NPLOC4: variants seen among roughly 807,000 people sequenced by gnomAD.
NPLOC4 encodes the protein NPL4 homolog, ubiquitin recognition factor.
In NPLOC4, 18 loss-of-function variants were observed where a neutral mutation model predicts 80.6. That is an observed-to-expected ratio of 0.22 (90% CI 0.15 to 0.33). The LOEUF (loss-of-function observed/expected upper bound fraction) is 0.33, where lower values mean the gene tolerates loss of function less well. Ranked by LOEUF, NPLOC4 falls within the 10% of genes least tolerant of loss-of-function variation. NPLOC4 has a pLI of 1.00. For synonymous variants in NPLOC4, 313 were observed against 301.5 expected, an observed-to-expected ratio of 1.04 and a Z score of -0.39; for missense variants, 540 against 786.1, an observed-to-expected ratio of 0.69 and a Z score of 3.74.
chr17:81,607,171 C>T (rs1004452628), intron 6 of NPLOC4, among the ~76,000 whole-genome samples: 6 of 152,192 alleles, frequency 3.9e-5, no homozygotes, highest in Non-Finnish European at 5.9e-5. Context: ...GAGGCTCCTA[C>T]AGGTTTCATT....
chr17:81,570,183 G>A (rs374388145), intron 13 of NPLOC4, among the ~76,000 whole-genome samples: 10 of 152,252 alleles, frequency 6.6e-5, no homozygotes, highest in East Asian at 3.9e-4. Context: ...ATGGGCAAGC[G>A]GCGGGGTGGG....
intron 2 of NPLOC4, among the ~76,000 whole-genome samples, chr17:81,627,099 A>G (rs1221801051): frequency 1.3e-5 from 2 of 151,710 alleles, no homozygotes; most frequent in Non-Finnish European, 2.9e-5. Context: ...CAAAAAAAAA[A>G]AAGAAAAAGG....
chr17:81,586,847 C>T (rs1454124986), intron 12 of NPLOC4, among the ~76,000 whole-genome samples: 1 of 152,210 alleles, frequency 6.6e-6, no homozygotes. Context: ...CAACAATAGA[C>T]GAAGTCTCAT....
At chr17:81,591,469 A>AC (rs2034742250) in intron 11 of NPLOC4, among the ~76,000 whole-genome samples, 1 of 147,118 alleles carries the variant, frequency 6.8e-6, no homozygotes, top group South Asian at 2.1e-4. Flanking sequence ...AAAAAAAAAA[A>AC]AAACCTGCTC....
intron 12 of NPLOC4, among the ~76,000 whole-genome samples, chr17:81,579,005 C>G (rs1012148964): frequency 6.6e-6 from 1 of 152,220 alleles, no homozygotes; most frequent in Non-Finnish European, 1.5e-5. Context: ...ACTGCAGCCT[C>G]GAACTCCTGG....
chr17:81,571,502 A>T (rs2144057435), intron 13 of NPLOC4, among the ~76,000 whole-genome samples: 1 of 152,322 alleles, frequency 6.6e-6, no homozygotes, highest in African/African-American at 2.4e-5. Context: ...AAGAACACTG[A>T]GTTACAGGTG....
chr17:81,618,904 C>T lies in NPLOC4; in HGVS notation c.209+3262G>A, dbSNP rs538496912. Among the ~76,000 whole-genome samples the T allele has an allele frequency of 9.5e-4, 144 of 152,208 alleles. 1 individual carries two copies. Among genetic ancestry groups the T allele is most frequent in the African/African-American group, 3.2e-3 (132 of 41,528 alleles). Reference sequence around the variant, plus strand: ...GGGATCCTGTTGATCTATGACCTTACCCCAACCCTGTGCTCTCTGAAACAT... The same window carrying T: ...GGGATCCTGTTGATCTATGACCTTATCCCAACCCTGTGCTCTCTGAAACAT... On this transcript the variant is annotated intron_variant, in intron 3 of 16. Coordinates refer to ENST00000331134, the MANE Select transcript of NPLOC4 (RefSeq NM_017921.4).
At chr17:81,615,823 T>C (rs1359960600) in intron 3 of NPLOC4, among the ~76,000 whole-genome samples, 2 of 152,068 alleles carry the variant, frequency 1.3e-5, no homozygotes, top group African/African-American at 4.8e-5. Context: ...TCTGCCTCTA[T>C]CCAGTACACA....
chr17:81,615,382 G>A (rs947509568), intron 3 of NPLOC4, among the ~76,000 whole-genome samples: 2 of 151,986 alleles, frequency 1.3e-5, no homozygotes, highest in African/African-American at 2.4e-5. Flanking sequence ...TTACAGTCGT[G>A]AGCCACCACG....
At chr17:81,627,662 G>A (rs2035830384) in intron 2 of NPLOC4, among the ~76,000 whole-genome samples, 1 of 152,082 alleles carries the variant, frequency 6.6e-6, no homozygotes, top group East Asian at 1.9e-4. Context: ...CTTGAACCCG[G>A]GAGGCTGAGG....
chr17:81,610,334 G>T, intron 4 of NPLOC4, 76 bp from the exon 5 acceptor site: 1 of 1,339,984 alleles, frequency 7.5e-7, no homozygotes, highest in East Asian at 2.5e-5. Context: ...TCACATGCAC[G>T]TCCTACTTTA....
intron 16 of NPLOC4, 67 bp downstream of exon 16, chr17:81,565,438 C>T (rs1323798359): frequency 7.7e-7 from 1 of 1,295,028 alleles, no homozygotes; most frequent in Non-Finnish European, 1.1e-6. Flanking sequence ...CAGTGGGGAG[C>T]TGTGCAGAGT....
intron 9 of NPLOC4, among the ~76,000 whole-genome samples, chr17:81,598,170 T>C (rs1176862556): frequency 2.0e-5 from 3 of 151,612 alleles, no homozygotes; most frequent in Non-Finnish European, 4.4e-5. Flanking sequence ...AAGAATGTTC[T>C]CAGTCAGAAA....
chr17:81,609,388 C>T (rs1281237455), intron 5 of NPLOC4, among the ~76,000 whole-genome samples: 1 of 152,112 alleles, frequency 6.6e-6, no homozygotes, highest in African/African-American at 2.4e-5. Flanking sequence ...AATCATGGCT[C>T]ACTGCAGCCT....
rs11150795 is a variant in NPLOC4 at position 81,557,945 on chromosome 17, G to A, written c.*1314C>T. 14,282 of 152,810 alleles carry A rather than the reference G, an allele frequency of 0.093. 1,054 individuals are homozygous for A. Among genetic ancestry groups the A allele is most frequent in the Admixed American group, 0.26 (4,006 of 15,308 alleles). The allele number at this position is 152,810 out of a possible 1,614,324, so 9.5% of individuals were successfully genotyped here. A position where few individuals can be genotyped will look rare whatever the true frequency, so the allele number is the denominator to read the frequency against. On this transcript the variant is annotated 3_prime_UTR_variant, in exon 17 of 17. Transcript: ENST00000331134. ...TCATAGTGCCAAGAATGTGGGTCAC[G>A]TGGGCTTACCCCCCAGGATGGACAC...
chr17:81,560,273 C>T (rs904719508), intron 16 of NPLOC4, among the ~76,000 whole-genome samples: 15 of 151,836 alleles, frequency 9.9e-5, no homozygotes, highest in Non-Finnish European at 1.9e-4. Flanking sequence ...ATTAGCCAGG[C>T]GTGGTGGTAG....
At chr17:81,620,100 G>A (rs35887231) in intron 3 of NPLOC4, among the ~76,000 whole-genome samples, 93,770 of 152,074 alleles carry the variant, frequency 0.62, 30,957 homozygotes, top group East Asian at 0.99. Flanking sequence ...CAAGAAAAGG[G>A]AAGAGATGGA....
chr17:81,600,129 C>T (rs944518159), intron 9 of NPLOC4, among the ~76,000 whole-genome samples: 1 of 151,608 alleles, frequency 6.6e-6, no homozygotes. Context: ...AGAAAATGTT[C>T]TCATTTTAGT....
At chr17:81,571,010 C>T (rs1224285938) in intron 13 of NPLOC4, among the ~76,000 whole-genome samples, 1 of 152,166 alleles carries the variant, frequency 6.6e-6, no homozygotes, top group Non-Finnish European at 1.5e-5. Flanking sequence ...ATCATGCCTG[C>T]TCCTCCTGGG....
Sources: gnomAD v4.1 joint callset for allele counts (sites outside exome capture counted in the v4.1 genomes callset) on GRCh38, gnomAD v4.1.1 for gene constraint, MANE v1.5 for transcripts, NCBI Gene and HGNC (gene_info 2026-07-23, HGNC 2026-07-21) for gene names.